Variants in RAC1 observed in about 807,000 individuals in gnomAD.
RAC1 encodes ras-related C3 botulinum toxin substrate 1.
In RAC1, 2 loss-of-function variants were observed where a neutral mutation model predicts 25.2. The ratio of observed to expected loss-of-function variants is 0.08; its 90% CI spans 0.03 to 0.25. RAC1 has a LOEUF of 0.25. Ranked by LOEUF, RAC1 falls within the 10% of genes least tolerant of loss-of-function variation. The pLI is 1.00. For synonymous variants in RAC1, 88 were observed against 94.0 expected, an observed-to-expected ratio of 0.94 and a Z score of 0.37; for missense variants, 50 against 235.7, an observed-to-expected ratio of 0.21 and a Z score of 5.16.
intron 3 of RAC1, among the ~76,000 whole-genome samples, chr7:6,398,917 T>C (rs1194460236): frequency 6.6e-6 from 1 of 152,206 alleles, no homozygotes; most frequent in African/African-American, 2.4e-5. Flanking sequence ...TAAAGCAGTT[T>C]GTGAACTGTG....
chr7:6,377,095 G>A (rs1366135891), intron 1 of RAC1, among the ~76,000 whole-genome samples: 1 of 151,892 alleles, frequency 6.6e-6, no homozygotes, highest in South Asian at 2.1e-4. Context: ...GGTGCCCCTT[G>A]CTGAATGCTT....
chr7:6,381,031 G>C (rs958925485), intron 1 of RAC1, among the ~76,000 whole-genome samples: 3 of 151,996 alleles, frequency 2.0e-5, no homozygotes, highest in Non-Finnish European at 4.4e-5. Context: ...ACCATGCCTG[G>C]CTAATTTTTG....
At chr7:6,387,329 C>T (rs754577365) in intron 2 of RAC1, 46 bp downstream of exon 2, 6 of 1,316,858 alleles carry the variant, frequency 4.6e-6, no homozygotes, top group African/African-American at 1.5e-5. Flanking sequence ...TTACGGGTTT[C>T]ACATTTCTTT....
chr7:6,375,156 C>A (rs1207893248), intron 1 of RAC1, among the ~76,000 whole-genome samples: 1 of 152,082 alleles, frequency 6.6e-6, no homozygotes, highest in African/African-American at 2.4e-5. Context: ...ACCTCTCGAT[C>A]CCCTTTTGAG....
chr7:6,401,701 C>T, intron 4 of RAC1, 167 bp from the exon 5 acceptor site: 3 of 611,942 alleles, frequency 4.9e-6, no homozygotes, highest in Non-Finnish European at 5.6e-6. Flanking sequence ...TGAGATGTTC[C>T]TTATGGCTCA....
chr7:6,400,459 T>C (rs909004581), intron 4 of RAC1, among the ~76,000 whole-genome samples: 1 of 151,784 alleles, frequency 6.6e-6, no homozygotes, highest in Non-Finnish European at 1.5e-5. Flanking sequence ...CCTCCTGAGT[T>C]GCTGGGACCA....
At chr7:6,381,593 CTG>C (rs33988121) in intron 1 of RAC1, among the ~76,000 whole-genome samples, 25,968 of 151,984 alleles carry the variant, frequency 0.17, 2,623 homozygotes, top group Non-Finnish European at 0.23. Context: ...CGGGGTTTCA[CTG>C]TGCTGCCCAG....
At chr7:6,390,953 A>AGTG (rs1289049763) in intron 2 of RAC1, among the ~76,000 whole-genome samples, 29 of 152,130 alleles carry the variant, frequency 1.9e-4, no homozygotes, top group African/African-American at 6.7e-4. Flanking sequence ...GCCGGAGTGC[A>AGTG]GTGGCGCAAC....
rs2115217447 is a variant in RAC1, at chr7:6,401,953, C to T, written c.374C>T (p.Thr125Met). Residue 125 changes from threonine to methionine, a missense_variant, in exon 5 of 6, where the codon ACG becomes ATG. Transcript: ENST00000348035. ...TKLDLRDDKDTIEKLKEKKLT... is the reference protein window; with the variant it reads ...TKLDLRDDKDMIEKLKEKKLT... ...CTTGATCTTAGGGATGATAAAGACA[C>T]GATCGAGAAACTGAAGGAGAAGAAG... 1.2e-6 allele frequency: 2 copies of T among 1,614,138 alleles called. No homozygotes were observed. Among genetic ancestry groups the T allele is most frequent in the Non-Finnish European group, 8.5e-7 (1 of 1,180,000 alleles).
intron 1 of RAC1, among the ~76,000 whole-genome samples, chr7:6,377,788 C>T (rs777287008): frequency 3.3e-5 from 5 of 152,002 alleles, no homozygotes; most frequent in African/African-American, 4.8e-5. Flanking sequence ...GCCTGTAATC[C>T]TAGCTATTCA....
chr7:6,384,995 C>T (rs181161059), intron 1 of RAC1, among the ~76,000 whole-genome samples: 16 of 150,878 alleles, frequency 1.1e-4, no homozygotes, highest in African/African-American at 2.4e-4. Context: ...TAGTAGAGAA[C>T]GGGTTTCTCC....
intron 3 of RAC1, among the ~76,000 whole-genome samples, chr7:6,394,497 G>A (rs1562467607): frequency 6.6e-6 from 1 of 151,976 alleles, no homozygotes; most frequent in South Asian, 2.1e-4. Flanking sequence ...ACCAGCATTG[G>A]TGGTGTGAGT....
At chr7:6,391,157 C>G (rs1380549253) in intron 2 of RAC1, among the ~76,000 whole-genome samples, 3 of 152,144 alleles carry the variant, frequency 2.0e-5, no homozygotes, top group East Asian at 3.8e-4. Context: ...CTCGGCCTCC[C>G]AAAGTGCTGG....
intron 1 of RAC1, among the ~76,000 whole-genome samples, chr7:6,384,946 C>G (rs1269237205): frequency 1.3e-5 from 2 of 151,948 alleles, no homozygotes; most frequent in African/African-American, 4.8e-5. Context: ...GCTGAGACTA[C>G]TGCTGCACAC....
At chr7:6,389,327 G>T (rs932180939) in intron 2 of RAC1, among the ~76,000 whole-genome samples, 1 of 152,026 alleles carries the variant, frequency 6.6e-6, no homozygotes, top group Non-Finnish European at 1.5e-5. Flanking sequence ...ATTAACGTGG[G>T]TTGAAGTTAT....
chr7:6,386,008 A>G (rs1782912473), intron 1 of RAC1, among the ~76,000 whole-genome samples: 1 of 152,194 alleles, frequency 6.6e-6, no homozygotes. Context: ...GACCTTAGTT[A>G]TTAGGTGATA....
At chr7:6,389,696 A>T (rs34566236) in intron 2 of RAC1, among the ~76,000 whole-genome samples, 4,554 of 152,146 alleles carry the variant, frequency 0.03, 116 homozygotes, top group Middle Eastern at 0.058. Context: ...AGAAAAAAAA[A>T]ATATGTGTTT....
At chr7:6,389,949 CTCTCCCT>C (rs1783040009) in intron 2 of RAC1, among the ~76,000 whole-genome samples, 1 of 141,594 alleles carries the variant, frequency 7.1e-6, no homozygotes, top group African/African-American at 2.6e-5. Context: ...CTCCCTCCCT[CTCTCCCT>C]CCCTTCCTCC....
chr7:6,402,235 C>T (rs2115217992), intron 5 of RAC1, 81 bp from the exon 6 acceptor site: 1 of 1,524,592 alleles, frequency 6.6e-7, no homozygotes, highest in Non-Finnish European at 8.8e-7. Context: ...GCCCGGGCCC[C>T]AGGAGCTGCC....
Sources: gnomAD v4.1 joint callset for allele counts (sites outside exome capture counted in the v4.1 genomes callset) on GRCh38, gnomAD v4.1.1 for gene constraint, MANE v1.5 for transcripts, NCBI Gene and HGNC (gene_info 2026-07-23, HGNC 2026-07-21) for gene names.